The following PCDH9 variants were observed in gnomAD, a reference collection of about 807,000 sequenced individuals.
PCDH9 encodes protocadherin-9.
In PCDH9, 24 loss-of-function variants were observed where a neutral mutation model predicts 70.6. That is an observed-to-expected ratio of 0.34 (90% CI 0.25 to 0.48). PCDH9 has a LOEUF of 0.48. Ranked by LOEUF, PCDH9 falls within the 20% of genes least tolerant of loss-of-function variation. The probability of loss-of-function intolerance (pLI) is 0.99; values close to 1 mark genes in which losing one functional copy is unlikely to be tolerated. For synonymous variants in PCDH9, 562 were observed against 558.5 expected (o/e 1.01, Z -0.09); for missense variants, 1,281 against 1,503.6 (o/e 0.85, Z 2.45).
intron 4 of PCDH9, among the ~76,000 whole-genome samples, chr13:66,410,261 G>A (rs951343135): frequency 1.3e-5 from 2 of 151,678 alleles, no homozygotes; most frequent in Non-Finnish European, 2.9e-5. Flanking sequence ...GGCTTCAATG[G>A]AGAAATGTGA....
At chr13:66,853,356 C>A (rs2081345578) in intron 3 of PCDH9, among the ~76,000 whole-genome samples, 1 of 152,020 alleles carries the variant, frequency 6.6e-6, no homozygotes, top group African/African-American at 2.4e-5. Flanking sequence ...AATTTCAGAT[C>A]TCAGTGTTTC....
At chr13:66,748,747 C>T (rs535575486) in intron 3 of PCDH9, among the ~76,000 whole-genome samples, 8 of 152,172 alleles carry the variant, frequency 5.3e-5, no homozygotes, top group Non-Finnish European at 1.2e-4. Context: ...TAAGGATACA[C>T]ACACAAACAC....
At chr13:66,696,373 A>G (rs543566956) in intron 3 of PCDH9, among the ~76,000 whole-genome samples, 4 of 152,232 alleles carry the variant, frequency 2.6e-5, no homozygotes, top group Non-Finnish European at 5.9e-5. Context: ...TAACTGAAAT[A>G]TTAATCTGTG....
intron 2 of PCDH9, among the ~76,000 whole-genome samples, chr13:67,034,040 A>G (rs950737514): frequency 6.6e-6 from 1 of 152,158 alleles, no homozygotes; most frequent in African/African-American, 2.4e-5. Flanking sequence ...GCTGGAGTGC[A>G]GTGGCGTGAT....
intron 4 of PCDH9, among the ~76,000 whole-genome samples, chr13:66,436,945 T>C (rs1957877232): frequency 1.3e-5 from 2 of 151,908 alleles, no homozygotes; most frequent in Admixed American, 1.3e-4. Flanking sequence ...TAAAACATTT[T>C]TATGTCAAGG....
intron 4 of PCDH9, among the ~76,000 whole-genome samples, chr13:66,495,235 ATCT>A (rs1257454723): frequency 6.6e-6 from 1 of 152,298 alleles, no homozygotes; most frequent in African/African-American, 2.4e-5. Context: ...ATGTTTCAAT[ATCT>A]TCTTTGTTAG....
At chr13:67,216,115 C>T (rs1278489381) in intron 2 of PCDH9, 1 of 152,074 alleles carries the variant, frequency 6.6e-6, no homozygotes, top group Admixed American at 6.6e-5. Flanking sequence ...TAGTTTAAAC[C>T]CTGAGGAGTG....
At chr13:67,156,089 A>G (rs1027040274) in intron 2 of PCDH9, among the ~76,000 whole-genome samples, 11 of 152,026 alleles carry the variant, frequency 7.2e-5, no homozygotes, top group Non-Finnish European at 1.5e-5. Flanking sequence ...AGTGCTGGGT[A>G]GAGGAAGGGT....
At chr13:66,516,716 A>ATCTC (rs143905336) in intron 4 of PCDH9, among the ~76,000 whole-genome samples, 1 of 150,030 alleles carries the variant, frequency 6.7e-6, no homozygotes, top group African/African-American at 2.4e-5. Flanking sequence ...ACCATCCGAA[A>ATCTC]TCTCTCTCTC....
intron 3 of PCDH9, among the ~76,000 whole-genome samples, chr13:66,747,758 C>T (rs1379738707): frequency 1.3e-5 from 2 of 152,058 alleles, no homozygotes; most frequent in African/African-American, 4.8e-5. Flanking sequence ...CATACACAGA[C>T]ATAAATTCAC....
chr13:66,969,740 C>T (rs1321518428), intron 2 of PCDH9, among the ~76,000 whole-genome samples: 1 of 151,930 alleles, frequency 6.6e-6, no homozygotes, highest in Non-Finnish European at 1.5e-5. Flanking sequence ...TCCATTTTCA[C>T]AGATATACAC....
intron 4 of PCDH9, among the ~76,000 whole-genome samples, chr13:66,321,862 T>A (rs1955761079): frequency 6.6e-6 from 1 of 151,976 alleles, no homozygotes; most frequent in Admixed American, 6.6e-5. Context: ...TTTCTTGTCA[T>A]CCATTCTTTG....
intron 2 of PCDH9, among the ~76,000 whole-genome samples, chr13:67,179,450 A>T (rs2088558461): frequency 1.3e-5 from 2 of 152,132 alleles, no homozygotes; most frequent in Non-Finnish European, 2.9e-5. Context: ...CAGCCAATAC[A>T]TATTCCGTAC....
At chr13:66,750,395 C>T (rs1010407754) in intron 3 of PCDH9, among the ~76,000 whole-genome samples, 1 of 151,568 alleles carries the variant, frequency 6.6e-6, no homozygotes, top group African/African-American at 2.4e-5. Flanking sequence ...GTAAGCAACA[C>T]AGCCTCCCTT....
chr13:66,335,977 G>A (rs1167708413), intron 4 of PCDH9, among the ~76,000 whole-genome samples: 3 of 152,092 alleles, frequency 2.0e-5, no homozygotes, highest in Non-Finnish European at 4.4e-5. Context: ...AAACCTGTGA[G>A]AATAGATTGT....
At position 67,226,452 on chromosome 13, in the gene PCDH9, G is replaced by A; in HGVS notation, c.1989C>T (p.Ile663=). Residue 663 remains isoleucine, a synonymous_variant, in exon 2 of 5, where the codon ATC becomes ATT. Transcript: ENST00000377865. This position sits in a 1 kb window ranked among gnomAD's most constrained non-coding sequence, Gnocchi z 5.0. ...PPRSSTAKVT[I]NVMDVNDNSP... ...TGTTGTCATTGACATCCATGACGTT[G>A]ATAGTTACTTTTGCAGTAGAGGAAC... The A allele has an allele frequency of 6.2e-7, 1 of 1,613,936 alleles. No homozygotes were observed. Among genetic ancestry groups the A allele is most frequent in the South Asian group, 1.1e-5 (1 of 91,076 alleles).
chr13:67,030,388 AAG>A (rs1426465497), intron 2 of PCDH9, among the ~76,000 whole-genome samples: 1 of 152,082 alleles, frequency 6.6e-6, no homozygotes, highest in Non-Finnish European at 1.5e-5. Context: ...TCATCAAAAA[AAG>A]TTTATAGTCA....
chr13:66,543,090 T>C (rs1278745685), intron 4 of PCDH9, among the ~76,000 whole-genome samples: 1 of 152,000 alleles, frequency 6.6e-6, no homozygotes, highest in African/African-American at 2.4e-5. Flanking sequence ...ATGTTTTTAT[T>C]TTTACTCCAT....
chr13:67,060,538 CTT>C (rs1293335227), intron 2 of PCDH9, among the ~76,000 whole-genome samples: 1 of 152,034 alleles, frequency 6.6e-6, no homozygotes, highest in Non-Finnish European at 1.5e-5. Context: ...ATTGTTTTCA[CTT>C]TGTTTTTTTA....
Sources: gnomAD v4.1 joint callset for allele counts (sites outside exome capture counted in the v4.1 genomes callset) on GRCh38, gnomAD v4.1.1 for gene constraint, Gnocchi (gnomAD v3.1) non-coding constraint, MANE v1.5 for transcripts, NCBI Gene and HGNC (gene_info 2026-07-23, HGNC 2026-07-21) for gene names.